The following RO60 variants were observed in gnomAD, a reference collection of about 807,000 sequenced individuals.
RO60 encodes the protein RNA-binding protein RO60.
RO60 carries 20 observed loss-of-function variants against 55.3 expected under a neutral mutation model. The observed-to-expected ratio is 0.36, with a 90% CI of 0.25 to 0.53. RO60 has a LOEUF of 0.53. RO60 is among the 20% of genes least tolerant of loss of function. The probability of loss-of-function intolerance (pLI) is 0.92; values close to 1 mark genes in which losing one functional copy is unlikely to be tolerated. For synonymous variants in RO60, 213 were observed against 213.6 expected (o/e 1.00, Z 0.02); for missense variants, 558 against 646.6 (o/e 0.86, Z 1.49).
At chr1:193,066,185 A>C (rs1216521431) in intron 1 of RO60, among the ~76,000 whole-genome samples, 1 of 152,236 alleles carries the variant, frequency 6.6e-6, no homozygotes, top group Non-Finnish European at 1.5e-5. Context: ...CTCTAAGCTC[A>C]TTCTCATTTC....
In RO60 at chr1:193,087,005, TTA is replaced by T. The variant is rs1199041290; in HGVS notation, c.*2276_*2277del. The T allele has an allele frequency of 2.0e-5, 3 of 152,260 alleles. No individual in the cohort carries two copies. The highest frequency in any genetic ancestry group is 7.2e-5 in the African/African-American group (3 of 41,560). 9.4% of individuals were successfully genotyped at this position (152,260 alleles called of 1,614,324 possible). On this transcript the variant is annotated 3_prime_UTR_variant, in exon 9 of 9. Coordinates refer to ENST00000400968, the MANE Select transcript of RO60 (RefSeq NM_001173524.2). ...GGTCTCTTCATTCCTGTGCCAGAAT[TTA>T]TTTCCCCACAACATGGGAATACATG...
chr1:193,074,498 C>CTTCATATGTCTTCAT (rs1485654467), intron 2 of RO60, among the ~76,000 whole-genome samples: 12 of 152,188 alleles, frequency 7.9e-5, no homozygotes, highest in African/African-American at 2.4e-4. Context: ...TGATGATGAG[C>CTTCATATGTCTTCAT]ATGTTTTCAT....
chr1:193,074,603 G>GT (rs1673766796), intron 2 of RO60, among the ~76,000 whole-genome samples: 1 of 152,048 alleles, frequency 6.6e-6, no homozygotes, highest in Admixed American at 6.5e-5. Context: ...TTGTAAATTT[G>GT]TTTGAGTTCT....
At chr1:193,082,413 TAA>T in intron 7 of RO60, 114 bp downstream of exon 7, 2 of 1,340,196 alleles carry the variant, frequency 1.5e-6, no homozygotes, top group African/African-American at 1.5e-5. Context: ...TTTTTTGTCT[TAA>T]TTTTTGCATG....
At position 193,084,671 on chromosome 1, in the gene RO60, G is replaced by C. The variant is rs752715131; in HGVS notation, c.1557G>C (p.Met519Ile). 1.2e-6 allele frequency: 2 copies of C among 1,613,924 alleles called. No individual in the cohort carries two copies. Among genetic ancestry groups the C allele is most frequent in the Admixed American group, 3.3e-5 (2 of 59,988 alleles). ...CAGATGATAGAGGCATGTTGGATAT[G>C]TGCGGCTTTGATACTGGAGCTCTGG... ...ADPDDRGMLDMCGFDTGALDV... is the reference protein window; with the variant it reads ...ADPDDRGMLDICGFDTGALDV... The change falls in exon 9 of 9, where the codon ATG (methionine) becomes ATC (isoleucine). Residue 519 changes from methionine to isoleucine, a missense_variant. Transcript: ENST00000400968.
chr1:193,089,420 T>C lies in RO60; in HGVS notation c.*4689T>C, dbSNP rs986041144. 1 of 152,216 alleles carries C rather than the reference T, an allele frequency of 6.6e-6. No individual in the cohort carries two copies. The highest frequency in any genetic ancestry group is 6.5e-5 in the Admixed American group (1 of 15,284). 9.4% of individuals were successfully genotyped at this position (152,216 alleles called of 1,614,324 possible). On this transcript the variant is annotated 3_prime_UTR_variant, in exon 9 of 9. Coordinates refer to ENST00000400968, the MANE Select transcript of RO60 (RefSeq NM_001173524.2). ...AACTTACTCACATTTGGCTTTTTTTTAATTGGTGCATTTTTTAATTTGCTT... is the reference window on the plus strand; with the variant it reads ...AACTTACTCACATTTGGCTTTTTTTCAATTGGTGCATTTTTTAATTTGCTT...
downstream of RO60, chr1:193,091,526 A>G (rs1261281817): frequency 1.3e-6 from 1 of 794,266 alleles, no homozygotes; most frequent in African/African-American, 1.8e-5. Flanking sequence ...ACTGTAAATA[A>G]TACAACTAAC....
rs765101051 is a variant in RO60, at chr1:193,075,920, G to T, written c.681G>T (p.Lys227Asn). 5.0e-6 allele frequency: 8 copies of T among 1,613,172 alleles called. No individual in the cohort carries two copies. The Admixed American group carries it at 8.3e-5, about 17-fold the overall frequency. Residue 227 changes from lysine to asparagine, a missense_variant, in exon 3 of 9, where the codon AAG becomes AAT. Coordinates refer to ENST00000400968, the MANE Select transcript of RO60 (RefSeq NM_001173524.2). ...ALSVETEKLL[K>N]YLEAVEKVKR... ...CTGTGGAGACTGAAAAATTATTAAA[G>T]TATCTGGAGGCTGTAGAGAAAGTGA...
Position 193,087,620 on chromosome 1 carries a change from C to T in RO60, c.*2889C>T, listed in dbSNP as rs1674673971. 1 of 152,072 alleles carries T rather than the reference C, an allele frequency of 6.6e-6. No homozygotes were observed. The highest frequency in any genetic ancestry group is 2.4e-5 in the African/African-American group (1 of 41,410). 9.4% of individuals were successfully genotyped at this position (152,072 alleles called of 1,614,324 possible). A position where few individuals can be genotyped will look rare whatever the true frequency, so the allele number is the denominator to read the frequency against. ...TGTGACTGTAGACAACCAGTTTAAC[C>T]TAAGTGATTTGATTATTTTTATCCT... On this transcript the variant is annotated 3_prime_UTR_variant, in exon 9 of 9. Transcript: ENST00000400968.
chr1:193,075,971 C>A lies in RO60; in HGVS notation c.732C>A (p.Val244=). The A allele has an allele frequency of 6.2e-7, 1 of 1,612,932 alleles. No homozygotes were observed. Among genetic ancestry groups the A allele is most frequent in the South Asian group, 1.1e-5 (1 of 90,956 alleles). The stretch of plus-strand genomic sequence containing the variant: ...AGCGCACAAGAGATGAGCTAGAAGT[C>A]ATTCATCTAATAGAAGAACATAGAT... The part of the protein sequence containing the change: ...KVKRTRDELE[V]IHLIEEHRLV... Residue 244 remains valine (V), a synonymous_variant, in exon 3 of 9, where the codon GTC becomes GTA. Transcript: ENST00000400968.
chr1:193,073,174 C>T (rs2103044609), intron 2 of RO60, among the ~76,000 whole-genome samples: 1 of 152,174 alleles, frequency 6.6e-6, no homozygotes, highest in Non-Finnish European at 1.5e-5. Context: ...TTTATTTTCA[C>T]TGGAAAAACA....
chr1:193,075,897 G>A lies in RO60; in HGVS notation c.658G>A (p.Val220Met). Residue 220 changes from valine to methionine, a missense_variant, in exon 3 of 9, where the codon GTG becomes ATG. Physicochemically the swap from Val to Met is conservative, Grantham distance 21. Coordinates refer to ENST00000400968, the MANE Select transcript of RO60 (RefSeq NM_001173524.2). ...HELYKEKALS[V>M]ETEKLLKYLE... ...ATTGTATAAAGAAAAAGCACTCTCT[G>A]TGGAGACTGAAAAATTATTAAAGTA... 4 of 1,613,216 alleles carry A rather than the reference G, an allele frequency of 2.5e-6. No individual in the cohort carries two copies. Among genetic ancestry groups the A allele is most frequent in the Non-Finnish European group, 3.4e-6 (4 of 1,179,496 alleles).
At position 193,059,876 on chromosome 1, in the gene RO60, G is replaced by T. The variant is rs1318523701; in HGVS notation, c.-22+100G>T. The T allele has an allele frequency of 2.9e-6, 4 of 1,365,008 alleles. No individual in the cohort carries two copies. Among genetic ancestry groups the T allele is most frequent in the Middle Eastern group, 2.1e-4 (1 of 4,766 alleles). The allele number at this position is 1,365,008 out of a possible 1,614,324, so 84.6% of individuals were successfully genotyped here. ...CATGTCTCTCACCCGCATCCCAGGG[G>T]TTGAGGCTGGGCAAACGCCGCGAAA... On this transcript the variant is annotated intron_variant, in intron 1 of 8. Transcript: ENST00000400968. The surrounding 1 kb of genome is among the most constrained non-coding windows in gnomAD (Gnocchi z 4.9).
At chr1:193,082,801 G>A in intron 8 of RO60, 93 bp downstream of exon 8, 1 of 1,114,820 alleles carries the variant, frequency 9.0e-7, no homozygotes. Context: ...ACCTCATTCT[G>A]TTGCCCTGGC....
rs1673411114 is a variant in RO60, at chr1:193,070,470, T to C, written c.580+836T>C. 8.8e-6 allele frequency: 3 copies of C among 340,748 alleles called. No individual in the cohort carries two copies. In the Admixed American group the frequency reaches 1.1e-4, roughly 12 times the overall value. The allele number at this position is 340,748 out of a possible 1,614,324, so 21.1% of individuals were successfully genotyped here. ...TAAGAAAAGAAATAAGAAAAACTCT[T>C]GGGCAGGAGTAATTTGAAGTGTGAA... On this transcript the variant is annotated intron_variant, in intron 2 of 8. Coordinates refer to ENST00000400968, the MANE Select transcript of RO60 (RefSeq NM_001173524.2).
chr1:193,078,684 ATACACTGAGAAC>A (rs1248388665), intron 5 of RO60, among the ~76,000 whole-genome samples: 2 of 152,228 alleles, frequency 1.3e-5, no homozygotes, highest in Non-Finnish European at 2.9e-5. Context: ...TGTAAGACTT[ATACACTGAGAAC>A]TACAAAACAT....
At chr1:193,067,007 A>G (rs1673153607) in intron 1 of RO60, among the ~76,000 whole-genome samples, 1 of 151,484 alleles carries the variant, frequency 6.6e-6, no homozygotes. Context: ...CTTAATCACA[A>G]TTTGCCTTCT....
chr1:193,084,832 G>A lies in RO60; in HGVS notation c.*101G>A. The A allele has an allele frequency of 6.5e-7, 1 of 1,530,742 alleles. No homozygotes were observed. The highest frequency in any genetic ancestry group is 8.7e-7 in the Non-Finnish European group (1 of 1,146,786). The allele number at this position is 1,530,742 out of a possible 1,614,324, so 94.8% of individuals were successfully genotyped here. ...AATCTCCACCCAATGAATGATGATG[G>A]TATAGTATGTGCATAATGGAAAGTT... On this transcript the variant is annotated 3_prime_UTR_variant, in exon 9 of 9. Coordinates refer to ENST00000400968, the MANE Select transcript of RO60 (RefSeq NM_001173524.2).
downstream of RO60, chr1:193,091,485 A>AC (rs1674855307): frequency 3.3e-6 from 2 of 612,706 alleles, no homozygotes; most frequent in Admixed American, 3.1e-5. Flanking sequence ...TGATAAACTA[A>AC]CTGATGCTTT....
Sources: gnomAD v4.1 joint callset for allele counts (sites outside exome capture counted in the v4.1 genomes callset) on GRCh38, gnomAD v4.1.1 for gene constraint, Gnocchi (gnomAD v3.1) non-coding constraint, MANE v1.5 for transcripts, NCBI Gene and HGNC (gene_info 2026-07-23, HGNC 2026-07-21) for gene names.